The following MAGI2 variants were observed in gnomAD, a reference collection of about 807,000 sequenced individuals.
MAGI2 encodes membrane associated guanylate kinase, WW and PDZ domain containing 2.
Under a neutral mutation model 133.3 loss-of-function variants are expected in MAGI2, and 35 were observed. The ratio of observed to expected loss-of-function variants is 0.26; its 90% confidence interval spans 0.20 to 0.35. The LOEUF (loss-of-function observed/expected upper bound fraction) is 0.35, where lower values mean the gene tolerates loss of function less well. Ranked by LOEUF, MAGI2 falls within the 10% of genes least tolerant of loss-of-function variation. MAGI2 has a pLI of 1.00. For missense variants in MAGI2, 1,636 were observed against 1,863.4 expected, an observed-to-expected ratio of 0.88 and a Z score of 2.25; for synonymous variants, 729 against 710.6, an observed-to-expected ratio of 1.03 and a Z score of -0.41.
In MAGI2 at chr7:78,675,407, G is replaced by A. The variant is rs531891759; in HGVS notation, c.419-48168C>T. 7.9e-5 allele frequency among the ~76,000 whole-genome samples: 12 copies of A among 152,146 alleles called. No individual in the cohort carries two copies. The South Asian group carries it at 1.7e-3, about 21-fold the overall frequency. On this transcript the variant is annotated intron_variant, in intron 2 of 21. Transcript: ENST00000354212. ...AGAGGTAAGAGGAGGAAAGGAAGGA[G>A]GGAGAGAGAAGGCTACTGGTTTGTA...
intron 1 of MAGI2, among the ~76,000 whole-genome samples, chr7:79,123,049 G>T (rs757151770): frequency 6.6e-6 from 1 of 152,128 alleles, no homozygotes; most frequent in African/African-American, 2.4e-5. Context: ...GAGAATGAAG[G>T]AAACAACCAC....
At chr7:78,196,775 C>T (rs971238680) in intron 11 of MAGI2, among the ~76,000 whole-genome samples, 19 of 152,188 alleles carry the variant, frequency 1.2e-4, no homozygotes, top group African/African-American at 4.6e-4. Flanking sequence ...AGACTGGCTT[C>T]GTTTTAATTT....
At chr7:78,522,622 C>G (rs975294185) in intron 3 of MAGI2, among the ~76,000 whole-genome samples, 2 of 152,138 alleles carry the variant, frequency 1.3e-5, no homozygotes, top group African/African-American at 2.4e-5. Context: ...TCAAATGATC[C>G]GCCTGCCTCG....
chr7:79,314,142 T>G (rs1398438860), intron 1 of MAGI2, among the ~76,000 whole-genome samples: 1 of 152,160 alleles, frequency 6.6e-6, no homozygotes, highest in East Asian at 1.9e-4. Flanking sequence ...CCCAGCTAAT[T>G]TTTATATTTT....
At chr7:78,267,109 T>A (rs1330855324) in intron 9 of MAGI2, among the ~76,000 whole-genome samples, 1 of 152,164 alleles carries the variant, frequency 6.6e-6, no homozygotes, top group Non-Finnish European at 1.5e-5. Flanking sequence ...AGTGCTTCAA[T>A]TGCAAGCCAG....
intron 1 of MAGI2, among the ~76,000 whole-genome samples, chr7:79,267,954 A>G (rs1834603463): frequency 6.6e-6 from 1 of 152,174 alleles, no homozygotes; most frequent in Admixed American, 6.5e-5. Flanking sequence ...AGGGCAGGCA[A>G]TAGCTTCTGA....
At chr7:78,551,239 A>G (rs1214854753) in intron 3 of MAGI2, among the ~76,000 whole-genome samples, 1 of 152,230 alleles carries the variant, frequency 6.6e-6, no homozygotes, top group African/African-American at 2.4e-5. Context: ...AGCAAGTTGC[A>G]TTGTTAATTA....
intron 1 of MAGI2, among the ~76,000 whole-genome samples, chr7:79,038,396 T>C (rs1811316132): frequency 6.6e-6 from 1 of 152,184 alleles, no homozygotes; most frequent in African/African-American, 2.4e-5. Context: ...TAATCCATTG[T>C]TATTATTAAT....
intron 2 of MAGI2, among the ~76,000 whole-genome samples, chr7:78,765,986 C>G (rs1283232195): frequency 6.6e-6 from 1 of 152,166 alleles, no homozygotes; most frequent in Non-Finnish European, 1.5e-5. Flanking sequence ...TTTCTAAGAT[C>G]TGAAAGAAAG....
intron 2 of MAGI2, among the ~76,000 whole-genome samples, chr7:78,681,644 T>C (rs1373847982): frequency 6.6e-6 from 1 of 152,126 alleles, no homozygotes; most frequent in Non-Finnish European, 1.5e-5. Flanking sequence ...GATATTTTTC[T>C]AGGTGGGTCC....
intron 1 of MAGI2, among the ~76,000 whole-genome samples, chr7:79,229,241 T>A (rs976159154): frequency 6.6e-6 from 1 of 152,214 alleles, no homozygotes; most frequent in Admixed American, 6.5e-5. Context: ...GCTTCTGACG[T>A]GATATCTCAC....
intron 1 of MAGI2, among the ~76,000 whole-genome samples, chr7:79,372,029 G>T (rs2129134481): frequency 6.6e-6 from 1 of 152,208 alleles, no homozygotes. Flanking sequence ...CTACGAGGTA[G>T]CTACTAGTGT....
intron 2 of MAGI2, among the ~76,000 whole-genome samples, chr7:78,959,573 T>A (rs1277450517): frequency 6.6e-6 from 1 of 152,132 alleles, no homozygotes; most frequent in Non-Finnish European, 1.5e-5. Flanking sequence ...AAGCAATACA[T>A]TATAACATCT....
intron 2 of MAGI2, among the ~76,000 whole-genome samples, chr7:78,704,522 A>C (rs1818403752): frequency 6.6e-6 from 1 of 152,128 alleles, no homozygotes; most frequent in African/African-American, 2.4e-5. Flanking sequence ...TTCTCAAAAA[A>C]CTTAAAATGG....
chr7:78,055,045 G>T (rs1449135370), intron 21 of MAGI2, among the ~76,000 whole-genome samples: 1 of 152,024 alleles, frequency 6.6e-6, no homozygotes, highest in Non-Finnish European at 1.5e-5. Context: ...TGGGATTACA[G>T]GCGTGTGTTT....
chr7:79,068,443 C>T (rs143920809), intron 1 of MAGI2, among the ~76,000 whole-genome samples: 1,734 of 152,198 alleles, frequency 0.011, 38 homozygotes, highest in African/African-American at 0.04. Context: ...GTGATATCCC[C>T]TTTACCATTT....
At chr7:79,358,049 A>G (rs998463397) in intron 1 of MAGI2, among the ~76,000 whole-genome samples, 1 of 152,126 alleles carries the variant, frequency 6.6e-6, no homozygotes, top group African/African-American at 2.4e-5. Flanking sequence ...AGTGTTTGAA[A>G]TCAACATATT....
At chr7:79,016,033 C>G (rs1380690889) in intron 1 of MAGI2, among the ~76,000 whole-genome samples, 1 of 145,926 alleles carries the variant, frequency 6.9e-6, no homozygotes, top group East Asian at 2.0e-4. Context: ...AGGCAAGGAG[C>G]AACACATTCT....
At chr7:79,171,461 C>A (rs566597943) in intron 1 of MAGI2, among the ~76,000 whole-genome samples, 1 of 151,592 alleles carries the variant, frequency 6.6e-6, no homozygotes, top group African/African-American at 2.4e-5. Context: ...GGGCTTAGGT[C>A]TTCAGCATAG....
Sources: allele counts gnomAD v4.1 joint callset (sites outside exome capture counted in the v4.1 genomes callset), GRCh38; gene constraint gnomAD v4.1.1; transcripts MANE v1.5; gene names NCBI Gene and HGNC (gene_info 2026-07-23, HGNC 2026-07-21).